The following DLC1 variants were observed in gnomAD, a reference collection of about 807,000 sequenced individuals.
DLC1 encodes the protein DLC1 Rho GTPase activating protein.
Under a neutral mutation model 140.3 loss-of-function variants are expected in DLC1, and 54 were observed. The ratio of observed to expected loss-of-function variants is 0.38; its 90% CI spans 0.31 to 0.48. DLC1 has a LOEUF of 0.48. DLC1 is among the 20% of genes least tolerant of loss of function. The pLI is 0.96. For synonymous variants in DLC1, 986 were observed against 728.1 expected, an observed-to-expected ratio of 1.35 and a Z score of -5.70; for missense variants, 2,536 against 1,907.0, an observed-to-expected ratio of 1.33 and a Z score of -6.14.
chr8:13,204,103 C>G (rs940967472), intron 5 of DLC1, among the ~76,000 whole-genome samples: 6 of 152,052 alleles, frequency 3.9e-5, no homozygotes, highest in Non-Finnish European at 8.8e-5. Context: ...GACAAAAATG[C>G]TCAGGGGGAA....
At chr8:13,343,761 TA>T (rs1014997256) in intron 4 of DLC1, among the ~76,000 whole-genome samples, 10 of 152,218 alleles carry the variant, frequency 6.6e-5, no homozygotes, top group African/African-American at 2.4e-4. Flanking sequence ...TCTAAAAGCC[TA>T]AACATAGTTT....
chr8:13,154,079 A>T (rs1824054242), intron 5 of DLC1, among the ~76,000 whole-genome samples: 2 of 152,174 alleles, frequency 1.3e-5, no homozygotes, highest in African/African-American at 2.4e-5. Context: ...ACAAACCCTG[A>T]GCTAGACTCA....
intron 2 of DLC1, among the ~76,000 whole-genome samples, chr8:13,428,659 T>G (rs1838714699): frequency 6.6e-6 from 1 of 151,968 alleles, no homozygotes; most frequent in South Asian, 2.1e-4. Context: ...CTCGGGAGAT[T>G]GTAGGGTACA....
chr8:13,142,902 AGCTGGGTGTGGTG>A (rs1390277915), intron 5 of DLC1, among the ~76,000 whole-genome samples: 1 of 152,114 alleles, frequency 6.6e-6, no homozygotes, highest in African/African-American at 2.4e-5. Flanking sequence ...ATACAAAATT[AGCTGGGTGTGGTG>A]GCACATTCCT....
rs1324644023 is a variant in DLC1 at position 13,208,743 on chromosome 8, CAG to C, written c.1349-93088_1349-93087del. Among the ~76,000 whole-genome samples the C allele has an allele frequency of 7.2e-4, 68 of 95,020 alleles. No individual in the cohort carries two copies. The South Asian group carries it at 0.015, about 20-fold the overall frequency. 62.3% of individuals were successfully genotyped at this position (95,020 alleles called of 152,430 possible). A position where few individuals can be genotyped will look rare whatever the true frequency, so the allele number is the denominator to read the frequency against. ...CACACACCACACACACACATACACACAGACACACACACACACACACACACACA... is the reference window on the plus strand; with the variant it reads ...CACACACCACACACACACATACACACACACACACACACACACACACACACA... On this transcript the variant is annotated intron_variant, in intron 5 of 17. Coordinates refer to ENST00000276297, the MANE Select transcript of DLC1 (RefSeq NM_182643.3).
chr8:13,508,930 T>C (rs561884285), intron 1 of DLC1, among the ~76,000 whole-genome samples: 1 of 152,328 alleles, frequency 6.6e-6, no homozygotes, highest in African/African-American at 2.4e-5. Flanking sequence ...TAGAACCTCT[T>C]ACAATAAAGA....
chr8:13,099,323 C>T (rs775024649), intron 9 of DLC1, 24 bp downstream of exon 9: 15 of 1,599,546 alleles, frequency 9.4e-6, no homozygotes, highest in Non-Finnish European at 1.3e-5. Context: ...GCCCCACACC[C>T]GGAGGCAGGA....
intron 2 of DLC1, among the ~76,000 whole-genome samples, chr8:13,470,490 A>C (rs1407324534): frequency 6.6e-6 from 1 of 152,196 alleles, no homozygotes; most frequent in Admixed American, 6.5e-5. Flanking sequence ...GAAGACATAG[A>C]AATGGTCAAC....
chr8:13,475,380 T>C (rs1019918024), intron 2 of DLC1, among the ~76,000 whole-genome samples: 2 of 152,202 alleles, frequency 1.3e-5, no homozygotes, highest in African/African-American at 4.8e-5. Flanking sequence ...TTTAATCTTC[T>C]GATTTTGAGG....
At chr8:13,227,466 T>G (rs1384412029) in intron 5 of DLC1, among the ~76,000 whole-genome samples, 1 of 152,184 alleles carries the variant, frequency 6.6e-6, no homozygotes, top group African/African-American at 2.4e-5. Flanking sequence ...ATTTGCCTAA[T>G]ACCACACAGT....
intron 4 of DLC1, among the ~76,000 whole-genome samples, chr8:13,352,863 C>T (rs182181344): frequency 4.6e-5 from 7 of 152,062 alleles, no homozygotes; most frequent in South Asian, 4.2e-4. Context: ...ACCAGGAACA[C>T]GAGTATTTTA....
At chr8:13,164,607 G>T (rs1824970214) in intron 5 of DLC1, among the ~76,000 whole-genome samples, 1 of 152,138 alleles carries the variant, frequency 6.6e-6, no homozygotes, top group Admixed American at 6.5e-5. Flanking sequence ...ATGTTGGCAT[G>T]GGATGTGGTG....
chr8:13,380,381 T>G (rs1025443581), intron 4 of DLC1, among the ~76,000 whole-genome samples: 1 of 152,248 alleles, frequency 6.6e-6, no homozygotes, highest in African/African-American at 2.4e-5. Context: ...TGTTTTAACA[T>G]GTCGTCTGAC....
intron 2 of DLC1, among the ~76,000 whole-genome samples, chr8:13,435,873 T>A (rs1317223715): frequency 6.6e-6 from 1 of 152,212 alleles, no homozygotes; most frequent in African/African-American, 2.4e-5. Flanking sequence ...AACTTTATTG[T>A]TGACTTATTT....
chr8:13,233,265 A>T (rs112083863), intron 5 of DLC1, among the ~76,000 whole-genome samples: 8 of 137,188 alleles, frequency 5.8e-5, no homozygotes, highest in Non-Finnish European at 1.2e-4. Flanking sequence ...ACTACACTCC[A>T]GCCTGGGCGA....
At chr8:13,188,351 C>G (rs188450974) in intron 5 of DLC1, among the ~76,000 whole-genome samples, 2 of 129,308 alleles carry the variant, frequency 1.5e-5, no homozygotes, top group East Asian at 4.8e-4. Flanking sequence ...TAGTAAATTT[C>G]TAACTAAAAG....
At chr8:13,136,052 A>G (rs1167358197) in intron 5 of DLC1, among the ~76,000 whole-genome samples, 1 of 152,200 alleles carries the variant, frequency 6.6e-6, no homozygotes, top group African/African-American at 2.4e-5. Flanking sequence ...CAATTTGTAT[A>G]GCTTTAATTC....
At position 13,090,389 on chromosome 8, in the gene DLC1, G is replaced by C. The variant is rs142572997; in HGVS notation, c.3937C>G (p.Leu1313Val). The C allele has an allele frequency of 8.1e-6, 13 of 1,614,056 alleles. No homozygotes were observed. Among genetic ancestry groups the C allele is most frequent in the Non-Finnish European group, 1.1e-5 (13 of 1,180,050 alleles). Residue 1313 changes from leucine (L) to valine (V), a missense_variant, in exon 15 of 18, where the codon CTG (leucine) becomes GTG (valine). Physicochemically the swap from Leu to Val is conservative, Grantham distance 32. Transcript: ENST00000276297. ...KPLTLEALGH[L>V]GNDDSADYQH... The stretch of plus-strand genomic sequence containing the variant: ...TAGTCAGCTGAGTCATCATTACCCA[G>C]GTGCCCGAGTGCTTCCAGAGTGAGG...
At chr8:13,443,343 T>TAAAA (rs58765529) in intron 2 of DLC1, among the ~76,000 whole-genome samples, 2 of 123,238 alleles carry the variant, frequency 1.6e-5, no homozygotes, top group African/African-American at 3.0e-5. Flanking sequence ...CCCTAAAACT[T>TAAAA]AAAAAAAAAA....
Sources: allele counts gnomAD v4.1 joint callset (sites outside exome capture counted in the v4.1 genomes callset), GRCh38; gene constraint gnomAD v4.1.1; transcripts MANE v1.5; gene names NCBI Gene and HGNC (gene_info 2026-07-23, HGNC 2026-07-21).